Variants in OPCML observed in about 807,000 individuals in gnomAD.
The protein encoded by OPCML is opioid-binding protein/cell adhesion molecule.
OPCML carries 13 observed loss-of-function variants against 37.8 expected under a neutral mutation model. The observed-to-expected ratio is 0.34, with a 90% CI of 0.22 to 0.55. OPCML has a LOEUF of 0.55. OPCML is among the 20% of genes least tolerant of loss of function. OPCML has a pLI of 0.91. For synonymous variants in OPCML, 176 were observed against 168.8 expected (o/e 1.04, Z -0.33); for missense variants, 341 against 435.6 (o/e 0.78, Z 1.93).
intron 2 of OPCML, among the ~76,000 whole-genome samples, chr11:132,934,131 G>A (rs887487918): frequency 1.3e-5 from 2 of 152,206 alleles, no homozygotes; most frequent in African/African-American, 4.8e-5. Flanking sequence ...CCTGCTGCCT[G>A]GATGTGAAGT....
In OPCML at chr11:132,997,463, C is replaced by T. The variant is rs533784527; in HGVS notation, c.62-54453G>A. Among the ~76,000 whole-genome samples the T allele has an allele frequency of 4.6e-5, 7 of 152,298 alleles. No homozygotes were observed. In the South Asian group the frequency reaches 6.2e-4, roughly 14 times the overall value. ...CCCTGTCATCTGTTCCTCCTGGAAA[C>T]GCTATTCTTTTCATCTGCATCTGAT... On this transcript the variant is annotated intron_variant, in intron 1 of 7. Transcript: ENST00000524381.
At chr11:133,341,394 C>G (rs1565581760) in intron 1 of OPCML, among the ~76,000 whole-genome samples, 1 of 152,106 alleles carries the variant, frequency 6.6e-6, no homozygotes, top group Non-Finnish European at 1.5e-5. Context: ...TCTAAGTTTC[C>G]TTGAGTCGCC....
chr11:132,758,365 A>G (rs1177722820), intron 2 of OPCML, among the ~76,000 whole-genome samples: 2 of 152,228 alleles, frequency 1.3e-5, no homozygotes, highest in South Asian at 2.1e-4. Context: ...CTTAAGGAGA[A>G]TAGTATTGAA....
At chr11:133,509,228 T>C (rs1265000554) in intron 1 of OPCML, among the ~76,000 whole-genome samples, 1 of 152,140 alleles carries the variant, frequency 6.6e-6, no homozygotes, top group Non-Finnish European at 1.5e-5. Context: ...TCAACCCCCG[T>C]CCCACTGACA....
At chr11:132,548,514 TA>T (rs2096374106) in intron 3 of OPCML, among the ~76,000 whole-genome samples, 1 of 152,152 alleles carries the variant, frequency 6.6e-6, no homozygotes, top group Admixed American at 6.5e-5. Flanking sequence ...AAATGGCATT[TA>T]AAAGTTAGAT....
At chr11:132,643,286 A>G (rs1432156082) in intron 3 of OPCML, among the ~76,000 whole-genome samples, 1 of 152,164 alleles carries the variant, frequency 6.6e-6, no homozygotes, top group Admixed American at 6.5e-5. Flanking sequence ...CTAAAAAAGA[A>G]AAGCTGGCTC....
chr11:132,613,400 C>T lies in OPCML; in HGVS notation c.379+43687G>A, dbSNP rs541148860. 2.0e-5 allele frequency among the ~76,000 whole-genome samples: 3 copies of T among 152,322 alleles called. No individual in the cohort carries two copies. The South Asian group carries it at 6.2e-4, about 32-fold the overall frequency. On this transcript the variant is annotated intron_variant, in intron 3 of 7. Coordinates refer to ENST00000524381, the MANE Select transcript of OPCML (RefSeq NM_001012393.5). Reference sequence around the variant, plus strand: ...CCTCAAAGACAGCTATATTTTCAGTCTGTTGCAAGAACTGCATAAACTCAA... The same window carrying T: ...CCTCAAAGACAGCTATATTTTCAGTTTGTTGCAAGAACTGCATAAACTCAA...
chr11:133,154,570 A>T (rs940017035), intron 1 of OPCML, among the ~76,000 whole-genome samples: 3 of 150,640 alleles, frequency 2.0e-5, no homozygotes, highest in Non-Finnish European at 4.4e-5. Context: ...ATAATAATAA[A>T]AAAGAATAGA....
intron 4 of OPCML, among the ~76,000 whole-genome samples, chr11:132,476,585 C>A (rs957956031): frequency 6.6e-6 from 1 of 152,028 alleles, no homozygotes; most frequent in Non-Finnish European, 1.5e-5. Context: ...CAAACTATCA[C>A]AAGGACAAAA....
At position 132,935,692 on chromosome 11, in the gene OPCML, A is replaced by G. The variant is rs190221194; in HGVS notation, c.146+7234T>C. On this transcript the variant is annotated intron_variant, in intron 2 of 7. Coordinates refer to ENST00000524381, the MANE Select transcript of OPCML (RefSeq NM_001012393.5). ...CGAGTCACATGGTTTTCTCTGGGGTATGAATGCATGGCAAGGCCTGCGCTC... is the reference window on the plus strand; with the variant it reads ...CGAGTCACATGGTTTTCTCTGGGGTGTGAATGCATGGCAAGGCCTGCGCTC... Among the ~76,000 whole-genome samples the G allele has an allele frequency of 5.9e-5, 9 of 152,354 alleles. No homozygotes were observed. The East Asian group carries it at 1.7e-3, about 29-fold the overall frequency.
intron 4 of OPCML, among the ~76,000 whole-genome samples, chr11:132,449,918 A>G (rs769669322): frequency 3.2e-4 from 48 of 152,102 alleles, no homozygotes; most frequent in Admixed American, 6.5e-4. Flanking sequence ...CTCTCCCCCA[A>G]TCCTTGGACA....
At chr11:133,482,257 G>T (rs1387894750) in intron 1 of OPCML, among the ~76,000 whole-genome samples, 1 of 152,118 alleles carries the variant, frequency 6.6e-6, no homozygotes, top group African/African-American at 2.4e-5. Flanking sequence ...TCAGTGACAT[G>T]GGAAGAGAAC....
chr11:132,586,875 C>T (rs1459733399), intron 3 of OPCML, among the ~76,000 whole-genome samples: 1 of 152,162 alleles, frequency 6.6e-6, no homozygotes, highest in Non-Finnish European at 1.5e-5. Flanking sequence ...AAATAAAGAA[C>T]AAATTATTGC....
intron 1 of OPCML, among the ~76,000 whole-genome samples, chr11:133,325,290 G>A (rs140482125): frequency 3.5e-4 from 53 of 152,232 alleles, no homozygotes; most frequent in East Asian, 7.7e-4. Flanking sequence ...TGGCCTCTTC[G>A]TTTACCCATA....
intron 3 of OPCML, among the ~76,000 whole-genome samples, chr11:132,621,239 G>A (rs1409248255): frequency 6.6e-6 from 1 of 152,200 alleles, no homozygotes; most frequent in Non-Finnish European, 1.5e-5. Flanking sequence ...TTAGAAAACT[G>A]TCTGGTAATT....
rs1233088442 is a variant in OPCML, at chr11:133,006,036, G to A, written c.62-63026C>T. On this transcript the variant is annotated intron_variant, in intron 1 of 7. Coordinates refer to ENST00000524381, the MANE Select transcript of OPCML (RefSeq NM_001012393.5). ...TCTGAGCGGAGTGTGGCCTTCGTAG[G>A]GAGAGCCATCCTAAGGGCGACCGGG... 1.2e-5 allele frequency: 12 copies of A among 985,208 alleles called. 1 individual carries two copies. The highest frequency in any genetic ancestry group is 1.3e-5 in the Non-Finnish European group (11 of 829,920). 61.0% of individuals were successfully genotyped at this position (985,208 alleles called of 1,614,324 possible). A position where few individuals can be genotyped will look rare whatever the true frequency, so the allele number is the denominator to read the frequency against.
intron 3 of OPCML, among the ~76,000 whole-genome samples, chr11:132,598,763 A>G (rs1264203032): frequency 6.6e-6 from 1 of 152,122 alleles, no homozygotes; most frequent in East Asian, 1.9e-4. Flanking sequence ...GAGTCACTTA[A>G]TAGTCTTTCT....
intron 2 of OPCML, among the ~76,000 whole-genome samples, chr11:132,729,951 CTG>C (rs199957879): frequency 0.029 from 4,323 of 151,016 alleles, 172 homozygotes; most frequent in Admixed American, 0.047. Context: ...AGACAACAAA[CTG>C]AGTTCCTTGA....
chr11:133,378,095 G>A (rs545699818), intron 1 of OPCML, among the ~76,000 whole-genome samples: 18 of 152,232 alleles, frequency 1.2e-4, no homozygotes, highest in African/African-American at 3.9e-4. Context: ...CTTTTTATGC[G>A]TCAGGCGTTT....
Sources: gnomAD v4.1 joint callset for allele counts (sites outside exome capture counted in the v4.1 genomes callset) on GRCh38, gnomAD v4.1.1 for gene constraint, MANE v1.5 for transcripts, NCBI Gene and HGNC (gene_info 2026-07-23, HGNC 2026-07-21) for gene names.